The following CHM variants were observed in gnomAD, a reference collection of about 807,000 sequenced individuals.
CHM encodes the protein CHM Rab escort protein, also known as rab proteins geranylgeranyltransferase component A 1.
CHM carries 10 observed loss-of-function variants against 49.0 expected under a neutral mutation model. The ratio of observed to expected loss-of-function variants is 0.20; its 90% CI spans 0.13 to 0.35. The LOEUF (loss-of-function observed/expected upper bound fraction) is 0.35, where lower values mean the gene tolerates loss of function less well. CHM is among the 10% of genes least tolerant of loss of function. The pLI, the probability that CHM is intolerant of heterozygous loss-of-function variation, is 1.00. For missense variants in CHM, 455 were observed against 478.4 expected (o/e 0.95, Z 0.46); for synonymous variants, 184 against 167.5 (o/e 1.10, Z -0.76).
chrX:85,972,265 C>T (rs1930967495), intron 4 of CHM, among the ~76,000 whole-genome samples: 1 of 113,249 alleles, frequency 8.8e-6, no homozygotes, highest in Admixed American at 9.2e-5. Context: ...TCTCCACGTC[C>T]CCACCAGACT....
Position 86,015,621 on chromosome X carries a change from A to G in CHM, c.116+11870T>C, listed in dbSNP as rs1490220939. On this transcript the variant is annotated intron_variant, in intron 2 of 14. Transcript: ENST00000357749. ...GATTTGTTGAATGACTTTGATCAAA[A>G]GCCTGATAGTGATATGGACAATAAG... Among the ~76,000 whole-genome samples the G allele has an allele frequency of 4.5e-5, 5 of 112,065 alleles. No homozygotes were observed. In the East Asian group the frequency reaches 1.4e-3, roughly 32 times the overall value.
intron 12 of CHM, among the ~76,000 whole-genome samples, 174 bp downstream of exon 12, chrX:85,894,014 G>T (rs1185961623): frequency 9.0e-6 from 1 of 111,691 alleles, no homozygotes; most frequent in Non-Finnish European, 1.9e-5. Context: ...ATGTTTATAG[G>T]TAAGGGGATG....
intron 2 of CHM, among the ~76,000 whole-genome samples, chrX:85,998,114 T>C (rs1402319396): frequency 1.8e-5 from 2 of 111,042 alleles, no homozygotes; most frequent in Admixed American, 1.9e-4. Flanking sequence ...CATTTCGTTT[T>C]GTAGCTTTTG....
chrX:86,043,409 CTTTTT>C (rs374685830), intron 1 of CHM, among the ~76,000 whole-genome samples: 3 of 100,964 alleles, frequency 3.0e-5, no homozygotes, highest in African/African-American at 1.1e-4. Flanking sequence ...AGCAATAAAA[CTTTTT>C]TTTTTTTTTG....
intron 12 of CHM, among the ~76,000 whole-genome samples, chrX:85,892,430 T>C (rs1290389454): frequency 9.0e-6 from 1 of 110,887 alleles, no homozygotes; most frequent in Non-Finnish European, 1.9e-5. Context: ...GCTATTCTCA[T>C]GATAGTGTGT....
chrX:85,966,264 A>G (rs5968759), intron 4 of CHM, among the ~76,000 whole-genome samples: 48,778 of 105,975 alleles, frequency 0.46, 9,633 homozygotes, highest in Non-Finnish European at 0.6. Flanking sequence ...CCAGAGAATC[A>G]CTTGAACCCA....
intron 12 of CHM, among the ~76,000 whole-genome samples, chrX:85,888,961 G>A (rs1925268393): frequency 8.9e-6 from 1 of 111,841 alleles, no homozygotes; most frequent in Admixed American, 9.5e-5. Context: ...GAAAATGTAT[G>A]TGCATGCCCA....
intron 9 of CHM, among the ~76,000 whole-genome samples, chrX:85,907,086 C>T (rs1471680268): frequency 2.1e-4 from 23 of 111,923 alleles, no homozygotes; most frequent in African/African-American, 6.8e-4. Context: ...GCTGAGATTG[C>T]ACCACTGCAC....
rs1337541737 is a variant in CHM at position 85,896,987 on chromosome X, T to C, written c.1414-2703A>G. Among the ~76,000 whole-genome samples the C allele has an allele frequency of 1.3e-4, 12 of 95,733 alleles. No individual in the cohort carries two copies. The Admixed American group carries it at 1.5e-3, about 12-fold the overall frequency. The allele number at this position is 95,733 out of a possible 115,157, so 83.1% of individuals were successfully genotyped here. On this transcript the variant is annotated intron_variant, in intron 11 of 14. Coordinates refer to ENST00000357749, the MANE Select transcript of CHM (RefSeq NM_000390.4). ...AATATATAATACATATAATATATAC[T>C]ATATATTAATTATATAATACATATA...
Position 85,958,936 on chromosome X carries a change from T to C in CHM, c.744A>G (p.Lys248=), listed in dbSNP as rs1265548648. 1 of 1,209,745 alleles carries C rather than the reference T, an allele frequency of 8.3e-7. No individual in the cohort carries two copies. The highest frequency in any genetic ancestry group is 1.7e-5 in the African/African-American group (1 of 57,235). The part of the protein sequence containing the change: ...SRGLLIDLLI[K]SNVSRYAEFK... ...ACTCTGCATATCGACTAACATTAGA[T>C]TTGATTAGAAGATCAATTAGTAATC... Residue 248 remains lysine (K), a synonymous_variant, in exon 6 of 15, where the codon AAA becomes AAG. Transcript: ENST00000357749.
At chrX:86,011,942 C>T (rs12558756) in intron 2 of CHM, among the ~76,000 whole-genome samples, 50,133 of 110,745 alleles carry the variant, frequency 0.45, 9,575 homozygotes, top group Non-Finnish European at 0.6. Flanking sequence ...AATGCAGCAC[C>T]GCCTACACCT....
At chrX:85,965,436 A>C (rs1930524327) in intron 4 of CHM, among the ~76,000 whole-genome samples, 1 of 111,219 alleles carries the variant, frequency 9.0e-6, no homozygotes, top group Admixed American at 9.6e-5. Flanking sequence ...TCCAAATCAG[A>C]CTGTAATTCC....
intron 4 of CHM, chrX:85,969,210 G>C (rs1930747328): frequency 2.7e-6 from 2 of 736,356 alleles, no homozygotes; most frequent in South Asian, 1.4e-4. Flanking sequence ...GGGAAACAAC[G>C]TTCAGTACAA....
intron 4 of CHM, among the ~76,000 whole-genome samples, chrX:85,966,806 C>T (rs975016871): frequency 8.9e-6 from 1 of 111,813 alleles, no homozygotes; most frequent in Non-Finnish European, 1.9e-5. Flanking sequence ...GATGATGACA[C>T]TGTGAAAACT....
At chrX:85,913,522 G>A (rs1214763652) in intron 8 of CHM, among the ~76,000 whole-genome samples, 1 of 109,481 alleles carries the variant, frequency 9.1e-6, no homozygotes, top group Non-Finnish European at 1.9e-5. Flanking sequence ...TGGGGCACAT[G>A]CCAAGGAATG....
intron 8 of CHM, among the ~76,000 whole-genome samples, chrX:85,934,719 T>C (rs747876167): frequency 9.0e-6 from 1 of 110,546 alleles, no homozygotes; most frequent in East Asian, 2.9e-4. Flanking sequence ...AGTTTTGCTA[T>C]TGTGAATAGT....
chrX:85,964,963 A>G (rs767137038), intron 4 of CHM, among the ~76,000 whole-genome samples: 4 of 112,579 alleles, frequency 3.6e-5, no homozygotes, highest in Admixed American at 9.4e-5. Context: ...GCAAGTAAAA[A>G]TCTGCTAGTT....
At chrX:85,887,364 C>T (rs1925148039) in intron 12 of CHM, among the ~76,000 whole-genome samples, 1 of 111,773 alleles carries the variant, frequency 8.9e-6, no homozygotes, top group South Asian at 3.7e-4. Context: ...ATCCATGTAA[C>T]ACATGACTTG....
chrX:86,040,906 T>C (rs1306665781), intron 1 of CHM, among the ~76,000 whole-genome samples: 1 of 112,217 alleles, frequency 8.9e-6, no homozygotes, highest in African/African-American at 3.2e-5. Context: ...GCACCAACAG[T>C]GATTTTTAGC....
Sources: allele counts gnomAD v4.1 joint callset (sites outside exome capture counted in the v4.1 genomes callset), GRCh38; gene constraint gnomAD v4.1.1; transcripts MANE v1.5; gene names NCBI Gene and HGNC (gene_info 2026-07-23, HGNC 2026-07-21).